DCDC2: variants seen among roughly 807,000 people sequenced by gnomAD.
The protein encoded by DCDC2 is doublecortin domain-containing protein 2.
In DCDC2, 40 loss-of-function variants were observed where a neutral mutation model predicts 50.2. That is an observed-to-expected ratio of 0.80 (90% CI 0.62 to 1.04). The LOEUF (loss-of-function observed/expected upper bound fraction) is 1.04. DCDC2 is among the 50% of genes least tolerant of loss of function. The probability of loss-of-function intolerance (pLI) is 0.00; values close to 1 mark genes in which losing one functional copy is unlikely to be tolerated. For synonymous variants in DCDC2, 234 were observed against 210.6 expected, an observed-to-expected ratio of 1.11 and a Z score of -0.96; for missense variants, 570 against 581.9, an observed-to-expected ratio of 0.98 and a Z score of 0.21.
intron 8 of DCDC2, among the ~76,000 whole-genome samples, chr6:24,198,562 G>A (rs1451054633): frequency 1.3e-5 from 2 of 151,772 alleles, no homozygotes; most frequent in African/African-American, 4.8e-5. Flanking sequence ...TGGGTTTCAA[G>A]CACAAAACTG....
chr6:24,369,619 A>G, the DCDC2 span, among the ~76,000 whole-genome samples: 79 of 152,282 alleles, frequency 5.2e-4, 1 homozygote, highest in Admixed American at 2.6e-4. Context: ...AAAAAAAAAA[A>G]TAGACATACT....
At chr6:24,298,225 G>C (rs563815317) in intron 4 of DCDC2, among the ~76,000 whole-genome samples, 95 of 152,348 alleles carry the variant, frequency 6.2e-4, no homozygotes, top group Non-Finnish European at 1.2e-3. Context: ...TGATCTGACA[G>C]GGGGTGGAGT....
intron 7 of DCDC2, among the ~76,000 whole-genome samples, chr6:24,243,246 A>G (rs936159128): frequency 6.6e-6 from 1 of 152,224 alleles, no homozygotes; most frequent in Non-Finnish European, 1.5e-5. Context: ...TTGTCTGGAA[A>G]AGGCAAAGAT....
At chr6:24,247,984 G>A (rs1762719010) in intron 7 of DCDC2, among the ~76,000 whole-genome samples, 1 of 152,180 alleles carries the variant, frequency 6.6e-6, no homozygotes, top group South Asian at 2.1e-4. Context: ...GCTGAGGCAG[G>A]AGAATCACTT....
intron 2 of DCDC2, among the ~76,000 whole-genome samples, chr6:24,331,438 C>T (rs758434094): frequency 4.0e-5 from 6 of 151,580 alleles, no homozygotes; most frequent in Non-Finnish European, 7.4e-5. Flanking sequence ...GTAGCTAGGA[C>T]AGGAATAGAT....
rs187755505 is a variant in DCDC2 at position 24,239,513 on chromosome 6, C to T, written c.923-34411G>A. 6.3e-4 allele frequency among the ~76,000 whole-genome samples: 96 copies of T among 152,322 alleles called. 1 individual carries two copies. The highest frequency in any genetic ancestry group is 2.1e-3 in the African/African-American group (86 of 41,568). ...GTAACAAGCACTGCCCCTGTAACACCGAGGCAGGCATGTGACCCAGCTAAT... is the reference window on the plus strand; with the variant it reads ...GTAACAAGCACTGCCCCTGTAACACTGAGGCAGGCATGTGACCCAGCTAAT... On this transcript the variant is annotated intron_variant, in intron 7 of 9. Transcript: ENST00000378454.
chr6:24,382,701 T>A, the DCDC2 span, among the ~76,000 whole-genome samples: 1 of 152,206 alleles, frequency 6.6e-6, no homozygotes, highest in African/African-American at 2.4e-5. Flanking sequence ...ACTGACAGGC[T>A]AAATTTCTCC....
intron 2 of DCDC2, among the ~76,000 whole-genome samples, chr6:24,348,394 G>C (rs1243748385): frequency 6.6e-6 from 1 of 152,224 alleles, no homozygotes; most frequent in Non-Finnish European, 1.5e-5. Flanking sequence ...AGCATCAGCA[G>C]TAAGAAAGCA....
At chr6:24,293,555 CAA>C (rs1278991365) in intron 4 of DCDC2, among the ~76,000 whole-genome samples, 19 of 152,138 alleles carry the variant, frequency 1.2e-4, no homozygotes, top group African/African-American at 4.6e-4. Context: ...TAGAAATCCA[CAA>C]AGAGACTTAG....
intron 7 of DCDC2, among the ~76,000 whole-genome samples, chr6:24,270,145 T>C (rs1294575143): frequency 6.6e-6 from 1 of 152,100 alleles, no homozygotes; most frequent in East Asian, 1.9e-4. Context: ...CCACCTCCCC[T>C]TTCAAACAGT....
chr6:24,358,910 TATTA>T (rs1760556457), upstream of DCDC2, among the ~76,000 whole-genome samples: 1 of 37,296 alleles, frequency 2.7e-5, no homozygotes, highest in African/African-American at 2.0e-4. Context: ...ATATATTATA[TATTA>T]TATATATTAT....
intron 7 of DCDC2, among the ~76,000 whole-genome samples, chr6:24,219,303 A>G (rs1762049173): frequency 6.6e-6 from 1 of 152,212 alleles, no homozygotes; most frequent in African/African-American, 2.4e-5. Flanking sequence ...TATTTATTGT[A>G]TAATGAACAC....
At chr6:24,243,175 C>G (rs1220481206) in intron 7 of DCDC2, among the ~76,000 whole-genome samples, 1 of 152,142 alleles carries the variant, frequency 6.6e-6, no homozygotes, top group African/African-American at 2.4e-5. Context: ...TGTCAGTAAT[C>G]TAAAGCAGAA....
intron 2 of DCDC2, among the ~76,000 whole-genome samples, chr6:24,309,169 C>G (rs1005001433): frequency 6.6e-6 from 1 of 151,842 alleles, no homozygotes; most frequent in Non-Finnish European, 1.5e-5. Flanking sequence ...ACTAAAAATA[C>G]AAAAAATTAG....
intron 8 of DCDC2, among the ~76,000 whole-genome samples, chr6:24,191,154 G>A (rs952108068): frequency 6.6e-6 from 1 of 152,146 alleles, no homozygotes; most frequent in African/African-American, 2.4e-5. Flanking sequence ...CATTGAAGTC[G>A]ATTTGGGGAA....
intron 8 of DCDC2, among the ~76,000 whole-genome samples, chr6:24,198,977 G>A (rs1431053566): frequency 2.0e-5 from 3 of 152,174 alleles, no homozygotes; most frequent in Non-Finnish European, 4.4e-5. Flanking sequence ...TCTCTGGGTA[G>A]GGCATCTCAG....
In DCDC2 at chr6:24,212,560, C is replaced by G. The variant is rs140220476; in HGVS notation, c.923-7458G>C. Among the ~76,000 whole-genome samples, 37 of 152,256 alleles carry G rather than the reference C, an allele frequency of 2.4e-4. No homozygotes were observed. In the East Asian group the frequency reaches 6.4e-3, roughly 26 times the overall value. On this transcript the variant is annotated intron_variant, in intron 7 of 9. Transcript: ENST00000378454. ...TTTAAGTCTTACCCTGCCCTAAAAACCTTTGTAGTAAAAGCCATTTGCTAA... is the reference window on the plus strand; with the variant it reads ...TTTAAGTCTTACCCTGCCCTAAAAAGCTTTGTAGTAAAAGCCATTTGCTAA...
intron 2 of DCDC2, among the ~76,000 whole-genome samples, chr6:24,314,171 A>T (rs1759621711): frequency 1.3e-5 from 2 of 152,328 alleles, no homozygotes; most frequent in South Asian, 2.1e-4. Context: ...AGCTTTTAAA[A>T]TTAAACTATT....
At chr6:24,196,720 C>T (rs147594854) in intron 8 of DCDC2, among the ~76,000 whole-genome samples, 296 of 152,282 alleles carry the variant, frequency 1.9e-3, no homozygotes, top group Non-Finnish European at 3.2e-3. Flanking sequence ...CTACCACACC[C>T]AGCTCCAATA....
Sources: allele counts gnomAD v4.1 joint callset (sites outside exome capture counted in the v4.1 genomes callset), GRCh38; gene constraint gnomAD v4.1.1; transcripts MANE v1.5; gene names NCBI Gene and HGNC (gene_info 2026-07-23, HGNC 2026-07-21).